RAP1GDS1: variants seen among roughly 807,000 people sequenced by gnomAD.
RAP1GDS1 encodes RAP1, GTP-GDP dissociation stimulator 1.
In RAP1GDS1, 35 loss-of-function variants were observed where a neutral mutation model predicts 71.1. The observed-to-expected ratio is 0.49, with a 90% confidence interval of 0.38 to 0.65. The LOEUF is 0.65. Ranked by LOEUF, RAP1GDS1 falls within the 30% of genes least tolerant of loss-of-function variation. The pLI is 0.00. For synonymous variants in RAP1GDS1, 229 were observed against 243.1 expected (o/e 0.94, Z 0.54); for missense variants, 663 against 706.1 (o/e 0.94, Z 0.69).
intron 7 of RAP1GDS1, among the ~76,000 whole-genome samples, chr4:98,412,067 A>C (rs1747148857): frequency 6.6e-6 from 1 of 152,212 alleles, no homozygotes; most frequent in South Asian, 2.1e-4. Flanking sequence ...TAACACATTA[A>C]AATTGCCTGA....
Position 98,391,944 on chromosome 4 carries a change from T to C in RAP1GDS1, c.509-8T>C. The C allele has an allele frequency of 1.3e-6, 2 of 1,574,800 alleles. No individual in the cohort carries two copies. The highest frequency in any genetic ancestry group is 1.7e-6 in the Non-Finnish European group (2 of 1,165,908). Reference sequence around the variant, plus strand: ...TTTTCTGTTGTTGTTTTTTTTTTGTTTTTACAGATTCGCTTCAAGCTCAGC... The same window carrying C: ...TTTTCTGTTGTTGTTTTTTTTTTGTCTTTACAGATTCGCTTCAAGCTCAGC... On this transcript the variant is annotated splice_region_variant and splice_polypyrimidine_tract_variant and intron_variant, in intron 5 of 14. Coordinates refer to ENST00000408927, the MANE Select transcript of RAP1GDS1 (RefSeq NM_001100427.2).
At chr4:98,263,603 T>C (rs749908097) in intron 1 of RAP1GDS1, among the ~76,000 whole-genome samples, 1 of 152,256 alleles carries the variant, frequency 6.6e-6, no homozygotes, top group Non-Finnish European at 1.5e-5. Flanking sequence ...GTTGTTTATG[T>C]GTGTGCTGTG....
chr4:98,434,444 TTCTC>T (rs1163901117), intron 13 of RAP1GDS1, among the ~76,000 whole-genome samples: 1 of 152,072 alleles, frequency 6.6e-6, no homozygotes, highest in African/African-American at 2.4e-5. Flanking sequence ...TCTCTGCTGG[TTCTC>T]TCTACTACCG....
chr4:98,313,928 A>G (rs1730607583), intron 2 of RAP1GDS1, among the ~76,000 whole-genome samples: 5 of 152,292 alleles, frequency 3.3e-5, no homozygotes, highest in Admixed American at 3.3e-4. Context: ...CAAAAGGCAG[A>G]GAAATTGGGT....
At chr4:98,374,956 C>A (rs187579586) in intron 4 of RAP1GDS1, among the ~76,000 whole-genome samples, 13 of 152,166 alleles carry the variant, frequency 8.5e-5, no homozygotes, top group African/African-American at 1.9e-4. Context: ...CTCACACACA[C>A]AAAAAAGAAA....
At chr4:98,389,891 C>CT (rs1743345373) in intron 5 of RAP1GDS1, among the ~76,000 whole-genome samples, 1 of 152,122 alleles carries the variant, frequency 6.6e-6, no homozygotes, top group Admixed American at 6.5e-5. Flanking sequence ...TGTCCCTGGA[C>CT]TGTTGGATTT....
chr4:98,334,932 AAAG>A, intron 2 of RAP1GDS1, among the ~76,000 whole-genome samples: 1 of 151,792 alleles, frequency 6.6e-6, no homozygotes, highest in Middle Eastern at 3.4e-3. Flanking sequence ...AAAAAAAAAA[AAAG>A]AGATGGGGAA....
intron 2 of RAP1GDS1, among the ~76,000 whole-genome samples, chr4:98,331,306 GAGGGGGAGACCGTGGAA>G (rs1733976724): frequency 6.6e-6 from 1 of 151,016 alleles, no homozygotes; most frequent in African/African-American, 2.4e-5. Flanking sequence ...AGACGAAGGA[GAGGGGGAGACCGTGGAA>G]AGCGGGAGAC....
chr4:98,406,488 AAAAT>A (rs1260679141), intron 7 of RAP1GDS1, among the ~76,000 whole-genome samples: 1 of 152,030 alleles, frequency 6.6e-6, no homozygotes, highest in African/African-American at 2.4e-5. Flanking sequence ...ACCTAGAAAA[AAAAT>A]AACCGTTATA....
Position 98,443,541 on chromosome 4 carries a change from G to A in RAP1GDS1, c.*1424G>A, listed in dbSNP as rs1373095325. The A allele has an allele frequency of 8.8e-6, 2 of 226,680 alleles. No individual in the cohort carries two copies. The highest frequency in any genetic ancestry group is 1.8e-5 in the Non-Finnish European group (2 of 114,080). The allele number at this position is 226,680 out of a possible 1,614,324, so 14.0% of individuals were successfully genotyped here. A position where few individuals can be genotyped will look rare whatever the true frequency, so the allele number is the denominator to read the frequency against. On this transcript the variant is annotated 3_prime_UTR_variant, in exon 15 of 15. Coordinates refer to ENST00000408927, the MANE Select transcript of RAP1GDS1 (RefSeq NM_001100427.2). ...AGAAAGGGCTGCCACGGAGGTGACA[G>A]TAGCTCCTTCCTCTCCAACATGTGA...
Position 98,276,745 on chromosome 4 carries a change from C to A in RAP1GDS1, c.4+15176C>A, listed in dbSNP as rs188680477. 2.6e-5 allele frequency among the ~76,000 whole-genome samples: 4 copies of A among 152,244 alleles called. No individual in the cohort carries two copies. The East Asian group carries it at 7.7e-4, about 29-fold the overall frequency. On this transcript the variant is annotated intron_variant, in intron 1 of 14. Coordinates refer to ENST00000408927, the MANE Select transcript of RAP1GDS1 (RefSeq NM_001100427.2). ...ATGGCAACTAGAGCATTTGCCCAAC[C>A]TGGAAAGGGATTCCCTGTGCAACCT...
Position 98,421,565 on chromosome 4 carries a change from G to A in RAP1GDS1, c.1440+171G>A, listed in dbSNP as rs1748863257. 3.9e-5 allele frequency among the ~76,000 whole-genome samples: 6 copies of A among 152,100 alleles called. No individual in the cohort carries two copies. The South Asian group carries it at 6.2e-4, about 16-fold the overall frequency. Reference sequence around the variant, plus strand: ...GATACATGGGATATAGGAAACACTCGGTAAATGGGGGTTGCTGTTGTTGCT... The same window carrying A: ...GATACATGGGATATAGGAAACACTCAGTAAATGGGGGTTGCTGTTGTTGCT... On this transcript the variant is annotated intron_variant, in intron 12 of 14. Coordinates refer to ENST00000408927, the MANE Select transcript of RAP1GDS1 (RefSeq NM_001100427.2).
intron 14 of RAP1GDS1, among the ~76,000 whole-genome samples, chr4:98,438,346 A>G (rs1156470740): frequency 6.6e-6 from 1 of 151,558 alleles, no homozygotes; most frequent in African/African-American, 2.4e-5. Context: ...TTTAGTTTCA[A>G]TCTGCTGTAT....
chr4:98,330,074 C>T (rs1335077756), intron 2 of RAP1GDS1, among the ~76,000 whole-genome samples: 6 of 152,104 alleles, frequency 3.9e-5, no homozygotes, highest in Admixed American at 3.9e-4. Context: ...ACATCCTGCA[C>T]TGCCCTTAAT....
chr4:98,392,868 C>T (rs1395291374), intron 6 of RAP1GDS1, among the ~76,000 whole-genome samples: 1 of 151,704 alleles, frequency 6.6e-6, no homozygotes, highest in African/African-American at 2.4e-5. Flanking sequence ...AAAACAAAAT[C>T]TGTGGAATCC....
At chr4:98,304,504 G>C (rs112270238) in intron 2 of RAP1GDS1, among the ~76,000 whole-genome samples, 1 of 152,140 alleles carries the variant, frequency 6.6e-6, no homozygotes, top group Non-Finnish European at 1.5e-5. Context: ...CTTTTGAGAA[G>C]TATATGTTCA....
chr4:98,317,631 C>T (rs2110333031), intron 2 of RAP1GDS1, among the ~76,000 whole-genome samples: 1 of 152,124 alleles, frequency 6.6e-6, no homozygotes, highest in East Asian at 1.9e-4. Flanking sequence ...TTTTTGACAT[C>T]TGAAAGATTC....
intron 5 of RAP1GDS1, among the ~76,000 whole-genome samples, chr4:98,389,285 GT>G (rs1174108189): frequency 6.7e-6 from 1 of 149,522 alleles, no homozygotes; most frequent in African/African-American, 2.5e-5. Flanking sequence ...ATATCAACCT[GT>G]TTCTGTAAAA....
intron 1 of RAP1GDS1, 37 bp from the exon 2 acceptor site, chr4:98,293,371 A>G (rs777905109): frequency 5.8e-6 from 8 of 1,384,474 alleles, no homozygotes; most frequent in Non-Finnish European, 8.0e-6. Context: ...TGGTGGTCAT[A>G]AGGTTGAGTT....
Sources: gnomAD v4.1 joint callset for allele counts (sites outside exome capture counted in the v4.1 genomes callset) on GRCh38, gnomAD v4.1.1 for gene constraint, MANE v1.5 for transcripts, NCBI Gene and HGNC (gene_info 2026-07-23, HGNC 2026-07-21) for gene names.